The following COMMD10 variants were observed in gnomAD, a reference collection of about 807,000 sequenced individuals.
COMMD10 encodes the protein COMM domain containing 10, also known as COMM domain-containing protein 10.
In COMMD10, 33 loss-of-function variants were observed where a neutral mutation model predicts 28.9. That is an observed-to-expected ratio of 1.14 (90% CI 0.87 to 1.53). COMMD10 has a LOEUF of 1.53. Ranked by LOEUF, COMMD10 falls within the 40% of genes most tolerant of loss-of-function variation. The pLI, the probability that COMMD10 is intolerant of heterozygous loss-of-function variation, is 0.00. For missense variants in COMMD10, 310 were observed against 233.4 expected, an observed-to-expected ratio of 1.33 and a Z score of -2.14; for synonymous variants, 110 against 81.7, an observed-to-expected ratio of 1.35 and a Z score of -1.87.
At chr5:116,245,327 A>C (rs1412800468) in intron 5 of COMMD10, among the ~76,000 whole-genome samples, 1 of 152,090 alleles carries the variant, frequency 6.6e-6, no homozygotes, top group African/African-American at 2.4e-5. Context: ...AGACAATATC[A>C]AGCTTGGAAA....
intron 4 of COMMD10, among the ~76,000 whole-genome samples, chr5:116,130,638 A>C (rs533256733): frequency 6.6e-6 from 1 of 151,988 alleles, no homozygotes; most frequent in Non-Finnish European, 1.5e-5. Flanking sequence ...TATACTTTTC[A>C]TTCAGTTATC....
intron 5 of COMMD10, among the ~76,000 whole-genome samples, chr5:116,275,688 T>C (rs1750890679): frequency 6.6e-6 from 1 of 151,668 alleles, no homozygotes; most frequent in African/African-American, 2.4e-5. Flanking sequence ...CCAGAACATA[T>C]CTGATGGCTT....
intron 5 of COMMD10, among the ~76,000 whole-genome samples, chr5:116,140,296 T>G (rs1374554536): frequency 3.3e-5 from 5 of 151,552 alleles, no homozygotes; most frequent in Non-Finnish European, 7.4e-5. Flanking sequence ...TATATATATG[T>G]ACACATATGG....
chr5:116,088,335 A>G (rs1750178697), intron 2 of COMMD10, among the ~76,000 whole-genome samples: 1 of 152,134 alleles, frequency 6.6e-6, no homozygotes, highest in Non-Finnish European at 1.5e-5. Context: ...TCTAGGTCAA[A>G]TCTTTAGTAC....
chr5:116,255,585 C>T (rs1043231303), intron 5 of COMMD10, among the ~76,000 whole-genome samples: 6 of 151,418 alleles, frequency 4.0e-5, no homozygotes, highest in African/African-American at 1.5e-4. Context: ...CTACTTTTAC[C>T]TCTGAAGACA....
At chr5:116,288,937 A>G (rs2112716315) in intron 5 of COMMD10, among the ~76,000 whole-genome samples, 1 of 131,322 alleles carries the variant, frequency 7.6e-6, no homozygotes, top group African/African-American at 2.9e-5. Flanking sequence ...GCTGGAGTGC[A>G]GTGGCATAAT....
intron 5 of COMMD10, among the ~76,000 whole-genome samples, chr5:116,169,746 T>C (rs1056038418): frequency 2.6e-5 from 4 of 152,190 alleles, no homozygotes; most frequent in Non-Finnish European, 5.9e-5. Flanking sequence ...ACCACATTAT[T>C]ATCTCAATAG....
rs550339846 is a variant in COMMD10 at position 116,108,272 on chromosome 5, A to G, written c.399+15572A>G. ...GTTTAAGTCTGCTGAAGCTGCACCC[A>G]CAGCCACCCCTTTCCCCAGGTGCTC... is the stretch of plus-strand genomic sequence containing the variant. On this transcript the variant is annotated intron_variant, in intron 4 of 6. Coordinates refer to ENST00000274458, the MANE Select transcript of COMMD10 (RefSeq NM_016144.4). Among the ~76,000 whole-genome samples, 47 of 152,334 alleles carry G rather than the reference A, an allele frequency of 3.1e-4. 1 individual carries two copies. In the South Asian group the frequency reaches 9.5e-3, roughly 31 times the overall value.
intron 5 of COMMD10, among the ~76,000 whole-genome samples, chr5:116,168,847 T>A (rs1294747832): frequency 1.3e-5 from 2 of 152,146 alleles, no homozygotes; most frequent in African/African-American, 4.8e-5. Flanking sequence ...GAGGGAAATT[T>A]ATAGCACTAA....
chr5:116,275,542 CA>C (rs142901804), intron 5 of COMMD10, among the ~76,000 whole-genome samples: 3,910 of 151,696 alleles, frequency 0.026, 220 homozygotes, highest in African/African-American at 0.086. Flanking sequence ...TCAAGGAAAA[CA>C]AAGATTGTAC....
At chr5:116,178,027 C>G (rs570060713) in intron 5 of COMMD10, among the ~76,000 whole-genome samples, 1 of 152,186 alleles carries the variant, frequency 6.6e-6, no homozygotes, top group East Asian at 1.9e-4. Flanking sequence ...ATGGTACACA[C>G]TATACTTGAG....
At chr5:116,204,908 A>G (rs527726948) in intron 5 of COMMD10, among the ~76,000 whole-genome samples, 8 of 152,118 alleles carry the variant, frequency 5.3e-5, no homozygotes, top group Non-Finnish European at 8.8e-5. Context: ...TTACTGGAAG[A>G]GTATCTAAAG....
At chr5:116,161,700 G>A (rs535313561) in intron 5 of COMMD10, among the ~76,000 whole-genome samples, 1 of 152,288 alleles carries the variant, frequency 6.6e-6, no homozygotes, top group African/African-American at 2.4e-5. Flanking sequence ...AGTAGAAGCA[G>A]ATCTTCATAA....
chr5:116,228,936 C>T (rs1195106537), intron 5 of COMMD10, among the ~76,000 whole-genome samples: 1 of 151,826 alleles, frequency 6.6e-6, no homozygotes, highest in Non-Finnish European at 1.5e-5. Flanking sequence ...TTTTGACTCC[C>T]AGCTCAGGAT....
At chr5:116,145,972 G>A (rs1361881044) in intron 5 of COMMD10, among the ~76,000 whole-genome samples, 2 of 151,826 alleles carry the variant, frequency 1.3e-5, no homozygotes, top group African/African-American at 4.8e-5. Context: ...CTTAATAGCA[G>A]TATGAAAATG....
chr5:116,123,417 G>A (rs1751510373), intron 4 of COMMD10, among the ~76,000 whole-genome samples: 1 of 152,162 alleles, frequency 6.6e-6, no homozygotes, highest in South Asian at 2.1e-4. Flanking sequence ...CAGGGATGAA[G>A]CCGACTTGAT....
intron 2 of COMMD10, 79 bp downstream of exon 2, chr5:116,087,666 G>T (rs1433315810): frequency 3.1e-6 from 3 of 953,492 alleles, no homozygotes; most frequent in Non-Finnish European, 5.1e-6. Flanking sequence ...AGAACTTTTT[G>T]CAAAGCATAG....
At chr5:116,123,112 G>T (rs543454593) in intron 4 of COMMD10, among the ~76,000 whole-genome samples, 1 of 152,058 alleles carries the variant, frequency 6.6e-6, no homozygotes, top group Non-Finnish European at 1.5e-5. Context: ...TTGGCTGTGG[G>T]TTTGTCATAA....
intron 5 of COMMD10, among the ~76,000 whole-genome samples, chr5:116,239,251 G>A (rs546557992): frequency 3.9e-5 from 6 of 151,984 alleles, no homozygotes; most frequent in Non-Finnish European, 7.4e-5. Flanking sequence ...AAATTTGTTG[G>A]CATTAGTAAC....
Sources: gnomAD v4.1 joint callset for allele counts (sites outside exome capture counted in the v4.1 genomes callset) on GRCh38, gnomAD v4.1.1 for gene constraint, MANE v1.5 for transcripts, NCBI Gene and HGNC (gene_info 2026-07-23, HGNC 2026-07-21) for gene names.